Variants in KMT2E observed in about 807,000 individuals in gnomAD.
The protein encoded by KMT2E is histone reader KMT2E.
Under a neutral mutation model 184.6 loss-of-function variants are expected in KMT2E, and 30 were observed. That is an observed-to-expected ratio of 0.16 (90% confidence interval 0.12 to 0.22). The LOEUF is 0.22. Among genes scored for constraint, KMT2E ranks in the 10% least tolerant of loss-of-function variants. The pLI is 1.00. For synonymous variants in KMT2E, 815 were observed against 776.5 expected (o/e 1.05, Z -0.82); for missense variants, 2,023 against 2,237.4 (o/e 0.90, Z 1.93).
intron 1 of KMT2E, among the ~76,000 whole-genome samples, chr7:105,019,711 T>G (rs1184134136): frequency 1.3e-5 from 2 of 152,164 alleles, no homozygotes; most frequent in Non-Finnish European, 2.9e-5. Context: ...TTTACGACAA[T>G]TGGACAGAGG....
rs1334271569 is a variant in KMT2E at position 105,107,726 on chromosome 7, C to T, written c.3269C>T (p.Ser1090Leu). Reference sequence around the variant, plus strand: ...TCCAACTTGAGGGACCTGACACCCTCGCATCAGTTGGAGGTTGGAGGAGGC... The same window carrying T: ...TCCAACTTGAGGGACCTGACACCCTTGCATCAGTTGGAGGTTGGAGGAGGC... ...VNSNLRDLTP[S>L]HQLEVGGGFR... Residue 1090 changes from serine (S) to leucine (L), a missense_variant, in exon 22 of 27, where the codon TCG becomes TTG. Ser to Leu is a moderately radical substitution (Grantham distance 145, BLOSUM62 -2). Transcript: ENST00000311117. 10 of 1,613,974 alleles carry T rather than the reference C, an allele frequency of 6.2e-6. No individual in the cohort carries two copies. The highest frequency in any genetic ancestry group is 5.9e-6 in the Non-Finnish European group (7 of 1,180,026).
intron 5 of KMT2E, chr7:105,064,200 G>A: frequency 3.5e-6 from 1 of 287,022 alleles, no homozygotes; most frequent in South Asian, 2.6e-5. Context: ...TTTGACTGGG[G>A]GGAAGGATTT....
chr7:105,109,196 T>C lies in KMT2E; in HGVS notation c.3723T>C (p.Thr1241=), dbSNP rs771811178. The change falls in exon 23 of 27, where the codon ACT becomes ACC. Residue 1241 remains threonine (T), a synonymous_variant. Coordinates refer to ENST00000311117, the MANE Select transcript of KMT2E (RefSeq NM_182931.3). ...ATAACTGCCCTGTTAAGGATGCTAC[T>C]GCTAGTGAGAAGAATGAACCAGAAG... ...TSNNCPVKDA[T]ASEKNEPEVQ... 36 of 1,613,938 alleles carry C rather than the reference T, an allele frequency of 2.2e-5. No homozygotes were observed. The highest frequency in any genetic ancestry group is 2.5e-6 in the Non-Finnish European group (3 of 1,179,980).
chr7:105,111,093 T>TC (rs1799234963), intron 26 of KMT2E: 2 of 502,528 alleles, frequency 4.0e-6, no homozygotes, highest in South Asian at 3.1e-5. Flanking sequence ...TAAGCACACT[T>TC]CAACAGCTTA....
intron 15 of KMT2E, 92 bp downstream of exon 15, chr7:105,091,406 T>C (rs1411125334): frequency 2.6e-6 from 2 of 767,546 alleles, no homozygotes; most frequent in Non-Finnish European, 2.4e-6. Flanking sequence ...ACATTATTCT[T>C]TGAAGTTAGC....
intron 3 of KMT2E, among the ~76,000 whole-genome samples, chr7:105,044,570 T>C (rs1384490711): frequency 6.6e-6 from 1 of 152,178 alleles, no homozygotes; most frequent in Non-Finnish European, 1.5e-5. Context: ...AGTCATCTCC[T>C]GGTCTGTAAA....
In KMT2E at chr7:105,080,404, C is replaced by CAAA. The variant is rs1359894317; in HGVS notation, c.1249-1284_1249-1283insAAA. Among the ~76,000 whole-genome samples the CAAA allele has an allele frequency of 4.1e-5, 6 of 146,550 alleles. No homozygotes were observed. In the East Asian group the frequency reaches 1.2e-3, roughly 29 times the overall value. On this transcript the variant is annotated intron_variant, in intron 12 of 26. Transcript: ENST00000311117. ...TGTAGGTGTTTTTTTTTTTTCCTCTCTTTTCTTTTTTTAAAAGACAGGATC... is the reference window on the plus strand; with the variant it reads ...TGTAGGTGTTTTTTTTTTTTCCTCTCAAATTTTCTTTTTTTAAAAGACAGGATC...
intron 15 of KMT2E, among the ~76,000 whole-genome samples, chr7:105,092,586 A>T (rs1292371451): frequency 1.3e-5 from 2 of 152,244 alleles, no homozygotes; most frequent in Admixed American, 1.3e-4. Context: ...GAAGAAAAGC[A>T]AACAGAAAAT....
At chr7:105,016,760 A>G (rs1794732100) in intron 1 of KMT2E, among the ~76,000 whole-genome samples, 1 of 152,218 alleles carries the variant, frequency 6.6e-6, no homozygotes, top group African/African-American at 2.4e-5. Context: ...GTTGAAGAGT[A>G]TACACTGTTT....
rs1267637525 is a variant in KMT2E at position 105,114,427 on chromosome 7, A to AAAACT, written c.*1098_*1102dup. 6.6e-6 allele frequency: 1 copy of AAAACT among 152,170 alleles called. No individual in the cohort carries two copies. The highest frequency in any genetic ancestry group is 2.4e-5 in the African/African-American group (1 of 41,450). The allele number at this position is 152,170 out of a possible 1,614,324, so 9.4% of individuals were successfully genotyped here. On this transcript the variant is annotated 3_prime_UTR_variant, in exon 27 of 27. Transcript: ENST00000311117. The stretch of plus-strand genomic sequence containing the variant: ...AACAGGAAAATTTGTCTTGGGTGTA[A>AAAACT]AAACTAAAGAAAAAAGGCATTATTC...
chr7:105,041,401 T>G (rs1221166208), intron 3 of KMT2E, among the ~76,000 whole-genome samples: 1 of 152,128 alleles, frequency 6.6e-6, no homozygotes, highest in Non-Finnish European at 1.5e-5. Flanking sequence ...GGTGCTTGGG[T>G]TCCCCCCACC....
rs1445992279 is a variant in KMT2E at position 105,107,528 on chromosome 7, A to G, written c.3071A>G (p.Gln1024Arg). ...GAAAAGGAACCTGTGTCAGACCTTCAGCTAGGACTCGATGCAGTTGAGCCA... is the reference window on the plus strand; with the variant it reads ...GAAAAGGAACCTGTGTCAGACCTTCGGCTAGGACTCGATGCAGTTGAGCCA... ...PGEKEPVSDL[Q>R]LGLDAVEPTA... Residue 1024 changes from glutamine (Q) to arginine (R), a missense_variant, in exon 22 of 27, where the codon CAG becomes CGG. Transcript: ENST00000311117. The G allele has an allele frequency of 1.2e-6, 2 of 1,614,074 alleles. No individual in the cohort carries two copies. The highest frequency in any genetic ancestry group is 1.7e-6 in the Non-Finnish European group (2 of 1,180,038).
In KMT2E at chr7:105,108,947, T is replaced by C. The variant is rs1799043988; in HGVS notation, c.3474T>C (p.Ser1158=). 4 of 1,596,346 alleles carry C rather than the reference T, an allele frequency of 2.5e-6. No individual in the cohort carries two copies. Among genetic ancestry groups the C allele is most frequent in the Non-Finnish European group, 3.4e-6 (4 of 1,166,114 alleles). Residue 1158 remains serine, a synonymous_variant, in exon 23 of 27, where the codon TCT becomes TCC. Transcript: ENST00000311117. ...TCTCATCTTTCTTGCTTAAGGTTTC[T>C]CTATTAGAATACCGTAAGAGACAAC... is the stretch of plus-strand genomic sequence containing the variant. The part of the protein sequence containing the change: ...PQNPPQKKKV[S]LLEYRKRQRE...
intron 17 of KMT2E, chr7:105,103,937 C>T (rs1798781112): frequency 6.6e-6 from 1 of 150,704 alleles, no homozygotes; most frequent in African/African-American, 2.4e-5. Context: ...AAGTGCTTCT[C>T]CTGCCTCAGC....
At chr7:105,097,421 C>T (rs2237604) in intron 15 of KMT2E, among the ~76,000 whole-genome samples, 42,313 of 151,946 alleles carry the variant, frequency 0.28, 8,760 homozygotes, top group East Asian at 0.64. Context: ...AGTCACACTC[C>T]GTTGCCAGGC....
chr7:105,015,272 A>T (rs1794668880), intron 1 of KMT2E, among the ~76,000 whole-genome samples: 1 of 152,238 alleles, frequency 6.6e-6, no homozygotes, highest in African/African-American at 2.4e-5. Flanking sequence ...ATTCTATGGC[A>T]GCAGACACAG....
intron 26 of KMT2E, among the ~76,000 whole-genome samples, chr7:105,111,584 A>G (rs1184541234): frequency 6.6e-6 from 1 of 152,100 alleles, no homozygotes; most frequent in African/African-American, 2.4e-5. Context: ...TATTTCCTCA[A>G]CTTGTCTTCA....
chr7:105,016,881 C>G (rs1794736529), intron 1 of KMT2E, among the ~76,000 whole-genome samples: 1 of 152,164 alleles, frequency 6.6e-6, no homozygotes, highest in African/African-American at 2.4e-5. Context: ...AGAGAAATAA[C>G]TGGCTCAAGG....
In KMT2E at chr7:105,040,952, C is replaced by T. The variant is rs1348082533; in HGVS notation, c.-1C>T. Reference sequence around the variant, plus strand: ...AATCGAATTTACCAGAGGCGAACGTCATGAGCATAGTGATCCCATTGGGGG... The same window carrying T: ...AATCGAATTTACCAGAGGCGAACGTTATGAGCATAGTGATCCCATTGGGGG... On this transcript the variant is annotated 5_prime_UTR_variant, in exon 3 of 27. Transcript: ENST00000311117. The T allele has an allele frequency of 6.2e-6, 10 of 1,607,534 alleles. No homozygotes were observed. Among genetic ancestry groups the T allele is most frequent in the Non-Finnish European group, 8.5e-6 (10 of 1,177,856 alleles).
Sources: allele counts gnomAD v4.1 joint callset (sites outside exome capture counted in the v4.1 genomes callset), GRCh38; gene constraint gnomAD v4.1.1; transcripts MANE v1.5; gene names NCBI Gene and HGNC (gene_info 2026-07-23, HGNC 2026-07-21).